MYBL2: variants seen among roughly 807,000 people sequenced by gnomAD.
MYBL2 encodes MYB proto-oncogene like 2.
In MYBL2, 28 loss-of-function variants were observed where a neutral mutation model predicts 79.9. That is an observed-to-expected ratio of 0.35 (90% CI 0.26 to 0.48). The LOEUF (loss-of-function observed/expected upper bound fraction) is 0.48. MYBL2 is among the 20% of genes least tolerant of loss of function. The probability of loss-of-function intolerance (pLI) is 0.99; values close to 1 mark genes in which losing one functional copy is unlikely to be tolerated. For missense variants in MYBL2, 735 were observed against 893.9 expected (o/e 0.82, Z 2.27); for synonymous variants, 378 against 361.2 (o/e 1.05, Z -0.53).
At chr20:43,696,294 G>T (rs1271315277) in intron 6 of MYBL2, among the ~76,000 whole-genome samples, 1 of 151,784 alleles carries the variant, frequency 6.6e-6, no homozygotes, top group East Asian at 1.9e-4. Flanking sequence ...AGGCTGGAGT[G>T]CAGTGGTATG....
chr20:43,709,030 A>G (rs947148127), intron 9 of MYBL2, among the ~76,000 whole-genome samples: 2 of 152,140 alleles, frequency 1.3e-5, no homozygotes, highest in Non-Finnish European at 2.9e-5. Flanking sequence ...AATGGTCTGC[A>G]TTTGTTCTAG....
At chr20:43,697,101 C>T (rs967609178) in intron 6 of MYBL2, among the ~76,000 whole-genome samples, 2 of 152,016 alleles carry the variant, frequency 1.3e-5, no homozygotes, top group African/African-American at 2.4e-5. Context: ...TGCCGAATTG[C>T]TGCCAAAGGG....
At position 43,684,226 on chromosome 20, in the gene MYBL2, C is replaced by CTT. The variant is rs112749528; in HGVS notation, c.279+1352_279+1353dup. 3.7e-3 allele frequency among the ~76,000 whole-genome samples: 538 copies of CTT among 144,262 alleles called. 4 individuals are homozygous for CTT. The highest frequency in any genetic ancestry group is 0.011 in the South Asian group (49 of 4,522). The allele number at this position is 144,262 out of a possible 152,430, so 94.6% of individuals were successfully genotyped here. On this transcript the variant is annotated intron_variant, in intron 4 of 13. Coordinates refer to ENST00000217026, the MANE Select transcript of MYBL2 (RefSeq NM_002466.4). Reference sequence around the variant, plus strand: ...GTAGGTATGAGCCACCATTCCTGTTCTTTTTTTTTTTTTCCTTGTTAATTT... The same window carrying CTT: ...GTAGGTATGAGCCACCATTCCTGTTCTTTTTTTTTTTTTTTCCTTGTTAATTT...
chr20:43,683,550 CATTT>C (rs1987193927), intron 4 of MYBL2, among the ~76,000 whole-genome samples: 2 of 126,442 alleles, frequency 1.6e-5, no homozygotes, highest in Admixed American at 8.3e-5. Context: ...GGGAACTAGG[CATTT>C]TTTTTTTTTT....
chr20:43,669,119 G>A (rs549883617), intron 1 of MYBL2, among the ~76,000 whole-genome samples: 2 of 152,208 alleles, frequency 1.3e-5, no homozygotes, highest in Non-Finnish European at 2.9e-5. Context: ...GATTACAGGC[G>A]TGAGCCACCG....
intron 9 of MYBL2, among the ~76,000 whole-genome samples, chr20:43,707,641 G>A (rs1458638545): frequency 2.6e-5 from 4 of 152,006 alleles, no homozygotes; most frequent in Admixed American, 6.6e-5. Flanking sequence ...GGCCTGCCTC[G>A]GCCTCCCAAA....
intron 2 of MYBL2, among the ~76,000 whole-genome samples, chr20:43,676,061 C>T (rs965439873): frequency 5.3e-5 from 8 of 151,902 alleles, no homozygotes; most frequent in African/African-American, 1.5e-4. Flanking sequence ...CGTGCCACCA[C>T]GCCTGGTAAA....
intron 9 of MYBL2, among the ~76,000 whole-genome samples, chr20:43,708,883 A>G (rs1600564713): frequency 6.6e-6 from 1 of 152,274 alleles, no homozygotes; most frequent in Admixed American, 6.5e-5. Context: ...AGATGTGTAC[A>G]TTTGACTTGT....
chr20:43,678,182 CT>C (rs1987058537), intron 2 of MYBL2, among the ~76,000 whole-genome samples: 1 of 152,146 alleles, frequency 6.6e-6, no homozygotes, highest in Non-Finnish European at 1.5e-5. Context: ...CCGCAGGGTC[CT>C]CTGCCTAGGA....
At chr20:43,686,709 C>G (rs1987282550) in intron 4 of MYBL2, 143 bp from the exon 5 acceptor site, 8 of 762,046 alleles carry the variant, frequency 1.0e-5, no homozygotes, top group Non-Finnish European at 1.7e-5. Flanking sequence ...GTGGCATCCC[C>G]TGCAGCTCGC....
intron 2 of MYBL2, among the ~76,000 whole-genome samples, chr20:43,677,903 G>A (rs1324390667): frequency 6.6e-6 from 1 of 152,194 alleles, no homozygotes; most frequent in African/African-American, 2.4e-5. Flanking sequence ...TCGGATGGTT[G>A]CCGTGTCTGT....
intron 6 of MYBL2, among the ~76,000 whole-genome samples, chr20:43,697,914 CA>C (rs58049554): frequency 0.017 from 1,648 of 99,500 alleles, 11 homozygotes; most frequent in African/African-American, 0.035. Flanking sequence ...GACTCCATCT[CA>C]AAAAAAAAAA....
At chr20:43,702,300 T>C (rs68155961) in intron 7 of MYBL2, among the ~76,000 whole-genome samples, 190 bp from the exon 8 acceptor site, 5,828 of 152,120 alleles carry the variant, frequency 0.038, 128 homozygotes, top group Middle Eastern at 0.099. Context: ...CCCTGTCTCT[T>C]TAAAGAAAAG....
intron 6 of MYBL2, among the ~76,000 whole-genome samples, chr20:43,698,730 G>A (rs1358417997): frequency 6.8e-6 from 1 of 146,048 alleles, no homozygotes; most frequent in Non-Finnish European, 1.5e-5. Flanking sequence ...GTGCAGTGGC[G>A]TGATCATAGC....
intron 2 of MYBL2, among the ~76,000 whole-genome samples, chr20:43,674,247 T>C (rs1399085818): frequency 7.2e-6 from 1 of 137,934 alleles, no homozygotes; most frequent in African/African-American, 2.6e-5. Context: ...TTTTTTTTTT[T>C]TTTTTTGAGA....
At chr20:43,690,288 C>T (rs1987376530) in intron 5 of MYBL2, among the ~76,000 whole-genome samples, 1 of 151,982 alleles carries the variant, frequency 6.6e-6, no homozygotes, top group African/African-American at 2.4e-5. Flanking sequence ...TCACTGCAAC[C>T]TCCGCGTCCC....
chr20:43,674,031 G>GATTGTCCTCATGCCTCTTCTCAGAGC, intron 2 of MYBL2, 132 bp downstream of exon 2: 1 of 786,980 alleles, frequency 1.3e-6, no homozygotes, highest in Admixed American at 2.1e-5. Context: ...TGGGTCCTCT[G>GATTGTCCTCATGCCTCTTCTCAGAGC]ATTGTCCTCA....
intron 2 of MYBL2, among the ~76,000 whole-genome samples, chr20:43,675,952 T>C (rs374967895): frequency 1.3e-5 from 2 of 150,626 alleles, no homozygotes; most frequent in African/African-American, 4.9e-5. Flanking sequence ...TTGCCCAGGC[T>C]GTAGTGCAGT....
intron 10 of MYBL2, among the ~76,000 whole-genome samples, chr20:43,710,875 T>C (rs768567449): frequency 3.9e-5 from 6 of 152,208 alleles, no homozygotes; most frequent in African/African-American, 9.6e-5. Context: ...TACTAAAATA[T>C]CTGCATGCTC....
Sources: allele counts gnomAD v4.1 joint callset (sites outside exome capture counted in the v4.1 genomes callset), GRCh38; gene constraint gnomAD v4.1.1; transcripts MANE v1.5; gene names NCBI Gene and HGNC (gene_info 2026-07-23, HGNC 2026-07-21).